The following NCOR2 variants were observed in gnomAD, a reference collection of about 807,000 sequenced individuals.
The protein encoded by NCOR2 is CTG repeat protein 26.
NCOR2 carries 81 observed loss-of-function variants against 262.9 expected under a neutral mutation model. The ratio of observed to expected loss-of-function variants is 0.31; its 90% CI spans 0.26 to 0.37. The LOEUF is 0.37. Ranked by LOEUF, NCOR2 falls within the 10% of genes least tolerant of loss-of-function variation. The pLI, the probability that NCOR2 is intolerant of heterozygous loss-of-function variation, is 1.00. For synonymous variants in NCOR2, 1,659 were observed against 1,559.3 expected (o/e 1.06, Z -1.51); for missense variants, 3,385 against 3,621.4 (o/e 0.93, Z 1.68).
chr12:124,520,462 C>T (rs1336204047), intron 1 of NCOR2, among the ~76,000 whole-genome samples: 2 of 152,156 alleles, frequency 1.3e-5, no homozygotes, highest in South Asian at 2.1e-4. Context: ...TCCAGACCTT[C>T]GCCAAAGGCT....
intron 1 of NCOR2, among the ~76,000 whole-genome samples, chr12:124,516,446 C>T (rs1166537615): frequency 6.6e-6 from 1 of 152,194 alleles, no homozygotes; most frequent in Non-Finnish European, 1.5e-5. Flanking sequence ...GACCTACCTC[C>T]CATTATCTGG....
intron 3 of NCOR2, among the ~76,000 whole-genome samples, chr12:124,475,564 A>C (rs1047515774): frequency 9.8e-5 from 15 of 152,392 alleles, no homozygotes; most frequent in East Asian, 7.7e-4. Flanking sequence ...GTATTGCAAA[A>C]GCAGCCACAG....
At chr12:124,479,700 C>T (rs1238729282) in intron 3 of NCOR2, among the ~76,000 whole-genome samples, 1 of 152,230 alleles carries the variant, frequency 6.6e-6, no homozygotes, top group Non-Finnish European at 1.5e-5. Context: ...TCTGTAACAA[C>T]AAAACAAAAC....
chr12:124,349,911 G>T (rs894812513), intron 28 of NCOR2, among the ~76,000 whole-genome samples: 1 of 152,160 alleles, frequency 6.6e-6, no homozygotes, highest in Non-Finnish European at 1.5e-5. Context: ...GTGGCAGCAG[G>T]GAGTGCATTA....
chr12:124,410,847 G>C (rs1029213530), intron 13 of NCOR2, among the ~76,000 whole-genome samples: 2 of 152,118 alleles, frequency 1.3e-5, no homozygotes, highest in Non-Finnish European at 2.9e-5. Flanking sequence ...CAAACTGTCC[G>C]AGTGCCACAG....
chr12:124,465,581 C>G (rs1056121931), intron 5 of NCOR2, among the ~76,000 whole-genome samples: 9 of 152,212 alleles, frequency 5.9e-5, no homozygotes, highest in African/African-American at 2.2e-4. Context: ...AAGGCCCCTT[C>G]CAGGGCCCAG....
At chr12:124,349,889 A>G (rs1305273773) in intron 28 of NCOR2, among the ~76,000 whole-genome samples, 1 of 152,026 alleles carries the variant, frequency 6.6e-6, no homozygotes, top group Non-Finnish European at 1.5e-5. Context: ...GCCTGTCTCC[A>G]AGGCTATCTC....
intron 1 of NCOR2, among the ~76,000 whole-genome samples, chr12:124,564,180 A>C (rs1285342220): frequency 6.6e-6 from 1 of 152,292 alleles, no homozygotes; most frequent in East Asian, 1.9e-4. Context: ...GATGGGTTGT[A>C]AAGTCAGTTC....
chr12:124,326,125 C>T (rs892851249), intron 46 of NCOR2, 66 bp downstream of exon 48: 161 of 1,404,334 alleles, frequency 1.1e-4, no homozygotes, highest in Admixed American at 6.7e-4. Flanking sequence ...TTCAGTGCCC[C>T]GGCAGCATTC....
At chr12:124,473,583 A>G (rs1393083641) in intron 3 of NCOR2, among the ~76,000 whole-genome samples, 1 of 151,724 alleles carries the variant, frequency 6.6e-6, no homozygotes, top group Non-Finnish European at 1.5e-5. Flanking sequence ...CCCTTTATGT[A>G]ATATATATAT....
intron 8 of NCOR2, among the ~76,000 whole-genome samples, chr12:124,433,730 G>T (rs557309424): frequency 6.6e-6 from 1 of 152,128 alleles, no homozygotes; most frequent in South Asian, 2.1e-4. Context: ...GGCAGCTCCG[G>T]CCTGGCCTGG....
intron 16 of NCOR2, among the ~76,000 whole-genome samples, chr12:124,386,621 G>C (rs566498790): frequency 6.6e-6 from 1 of 152,314 alleles, no homozygotes; most frequent in Non-Finnish European, 1.5e-5. Flanking sequence ...TGTGGGAAGA[G>C]ACCCTCCAGG....
chr12:124,561,354 C>T lies in NCOR2; in HGVS notation c.-165+5954G>A, dbSNP rs549475261. On this transcript the variant is annotated intron_variant, in intron 1 of 32. Coordinates refer to the NCOR2 transcript ENST00000458234. Reference sequence around the variant, plus strand: ...CTAAAATTTCATCCCCCGGTTGTGGCACTGGCCTCACTTCAAGCCGTGACT... The same window carrying T: ...CTAAAATTTCATCCCCCGGTTGTGGTACTGGCCTCACTTCAAGCCGTGACT... Among the ~76,000 whole-genome samples the T allele has an allele frequency of 2.0e-5, 3 of 152,306 alleles. No homozygotes were observed. In the South Asian group the frequency reaches 6.2e-4, roughly 32 times the overall value.
chr12:124,463,436 T>C (rs1376666178), intron 5 of NCOR2, among the ~76,000 whole-genome samples: 1 of 152,228 alleles, frequency 6.6e-6, no homozygotes, highest in Admixed American at 6.5e-5. Context: ...GCAGCCACCC[T>C]GATGGCTGCC....
At chr12:124,447,843 C>T (rs1423402138) in intron 7 of NCOR2, among the ~76,000 whole-genome samples, 1 of 152,022 alleles carries the variant, frequency 6.6e-6, no homozygotes, top group Non-Finnish European at 1.5e-5. Flanking sequence ...ACCACAGGCA[C>T]GTGCCACCAC....
upstream of NCOR2, among the ~76,000 whole-genome samples, chr12:124,499,359 C>A (rs1002677862): frequency 2.0e-5 from 3 of 152,234 alleles, no homozygotes; most frequent in African/African-American, 7.2e-5. Flanking sequence ...CACTGTGGTC[C>A]CTGCTGAGCC....
rs748596374 is a variant in NCOR2 at position 124,457,166 on chromosome 12, C to A, written c.706-4G>T. On this transcript the variant is annotated splice_polypyrimidine_tract_variant and splice_region_variant and intron_variant, in intron 5 of 46. Transcript: ENST00000405201. This position sits in a 1 kb window ranked among gnomAD's most constrained non-coding sequence, Gnocchi z 4.0. ...GATGTGCAGCTTCAGCCTTCTTCTG[C>A]AGGGTGATGGCGAAGAGGAGGAATT... The A allele has an allele frequency of 6.5e-7, 1 of 1,534,044 alleles. No individual in the cohort carries two copies. Among genetic ancestry groups the A allele is most frequent in the South Asian group, 1.3e-5 (1 of 79,652 alleles).
At chr12:124,512,997 A>G (rs1018561798) in intron 1 of NCOR2, among the ~76,000 whole-genome samples, 1 of 152,038 alleles carries the variant, frequency 6.6e-6, no homozygotes, top group African/African-American at 2.4e-5. Context: ...TCAACAGGGG[A>G]GCAAATCCCA....
chr12:124,502,220 G>A (rs974390174), intron 1 of NCOR2, among the ~76,000 whole-genome samples: 6 of 152,218 alleles, frequency 3.9e-5, no homozygotes, highest in Non-Finnish European at 5.9e-5. Flanking sequence ...ATGAGGAAGG[G>A]GGTGAAGAGA....
Sources: allele counts gnomAD v4.1 joint callset (sites outside exome capture counted in the v4.1 genomes callset), GRCh38; gene constraint gnomAD v4.1.1; non-coding constraint Gnocchi (gnomAD v3.1); transcripts MANE v1.5; gene names NCBI Gene and HGNC (gene_info 2026-07-23, HGNC 2026-07-21).